FUT8: variants seen among roughly 807,000 people sequenced by gnomAD.
FUT8 encodes alpha-(1,6)-fucosyltransferase.
A neutral mutation model predicts 71.3 loss-of-function variants in FUT8; 29 were observed. That is an observed-to-expected ratio of 0.41 (90% confidence interval 0.30 to 0.55). FUT8 has a LOEUF of 0.55. Ranked by LOEUF, FUT8 falls within the 20% of genes least tolerant of loss-of-function variation. The probability of loss-of-function intolerance (pLI) is 0.34; values close to 1 mark genes in which losing one functional copy is unlikely to be tolerated. For synonymous variants in FUT8, 254 were observed against 239.3 expected (o/e 1.06, Z -0.57); for missense variants, 544 against 702.1 (o/e 0.77, Z 2.55).
At chr14:65,600,119 A>T (rs904961221) in intron 3 of FUT8, among the ~76,000 whole-genome samples, 1 of 152,208 alleles carries the variant, frequency 6.6e-6, no homozygotes, top group East Asian at 1.9e-4. Context: ...TAATGTGTCT[A>T]AATTCCCCAC....
upstream of FUT8, chr14:65,412,388 G>A (rs1434679413): frequency 2.0e-5 from 9 of 453,912 alleles, no homozygotes; most frequent in South Asian, 1.2e-4. Flanking sequence ...CATTCCCGGC[G>A]CTGTAGGGAG....
Position 65,669,506 on chromosome 14 carries a change from A to G in FUT8, c.835+26A>G, listed in dbSNP as rs1326805929. The G allele has an allele frequency of 1.3e-6, 2 of 1,499,276 alleles. No homozygotes were observed. The highest frequency in any genetic ancestry group is 1.4e-5 in the African/African-American group (1 of 72,746). The allele number at this position is 1,499,276 out of a possible 1,614,324, so 92.9% of individuals were successfully genotyped here. A position where few individuals can be genotyped will look rare whatever the true frequency, so the allele number is the denominator to read the frequency against. On this transcript the variant is annotated intron_variant, in intron 7 of 10. Coordinates refer to ENST00000673929, the MANE Select transcript of FUT8 (RefSeq NM_001371533.1). This position sits in a 1 kb window ranked among gnomAD's most constrained non-coding sequence, Gnocchi z 4.5. ...GTAAGGAGCTTGTGCAGCATATGAG[A>G]TCTCTGGGCTGTTTCACTCAATTAC...
At chr14:65,639,004 T>C (rs1890701441) in intron 6 of FUT8, among the ~76,000 whole-genome samples, 2 of 152,208 alleles carry the variant, frequency 1.3e-5, no homozygotes, top group Admixed American at 1.3e-4. Flanking sequence ...GAAAGAAATT[T>C]TTAGTTTAAG....
In FUT8 at chr14:65,440,044, A is replaced by C. The variant is rs187258675; in HGVS notation, c.-325-15577A>C. On this transcript the variant is annotated intron_variant, in intron 1 of 10. Transcript: ENST00000673929. ...AGCTTTTCAGGAGAAGGAAGTCTTGATATTTATAAGAACATGGAAGAACTT... is the reference window on the plus strand; with the variant it reads ...AGCTTTTCAGGAGAAGGAAGTCTTGCTATTTATAAGAACATGGAAGAACTT... Among the ~76,000 whole-genome samples the C allele has an allele frequency of 6.4e-3, 944 of 147,156 alleles. 3 individuals are homozygous for C. Among genetic ancestry groups the C allele is most frequent in the Non-Finnish European group, 0.011 (741 of 66,868 alleles).
In FUT8 at chr14:65,525,982, T is replaced by C. The variant is rs148058517; in HGVS notation, c.-227-35355T>C. On this transcript the variant is annotated intron_variant, in intron 2 of 10. Transcript: ENST00000673929. ...TTCCTGAGGTGTGCTTTACTTCCAA[T>C]TATGTGGTCAATTTTGGAATAAGTG... is the stretch of plus-strand genomic sequence containing the variant. Among the ~76,000 whole-genome samples, 1,104 of 152,260 alleles carry C rather than the reference T, an allele frequency of 7.3e-3. 15 individuals carry two copies. Among genetic ancestry groups the C allele is most frequent in the African/African-American group, 0.025 (1,035 of 41,572 alleles).
chr14:65,357,090 G>A, the FUT8 span, among the ~76,000 whole-genome samples: 1 of 152,230 alleles, frequency 6.6e-6, no homozygotes, highest in Non-Finnish European at 1.5e-5. Flanking sequence ...CTTACTAGGT[G>A]TGTGACCTTG....
At position 65,676,222 on chromosome 14, in the gene FUT8, G is replaced by A. The variant is rs540817710; in HGVS notation, c.835+6742G>A. On this transcript the variant is annotated intron_variant, in intron 7 of 10. Transcript: ENST00000673929. ...AGAATGAGTTCAGAGATAAAAGGAC[G>A]TGTGACTTAGGAAAAAGCAATACGT... is the stretch of plus-strand genomic sequence containing the variant. 5.9e-5 allele frequency among the ~76,000 whole-genome samples: 9 copies of A among 152,284 alleles called. No homozygotes were observed. The South Asian group carries it at 8.3e-4, about 14-fold the overall frequency.
the FUT8 span, among the ~76,000 whole-genome samples, chr14:65,365,176 T>G: frequency 6.6e-6 from 1 of 152,208 alleles, no homozygotes. Flanking sequence ...CTTTTAGATA[T>G]ATTAGGCAGC....
chr14:65,534,918 A>C (rs1006171000), intron 2 of FUT8, among the ~76,000 whole-genome samples: 1 of 150,864 alleles, frequency 6.6e-6, no homozygotes, highest in Non-Finnish European at 1.5e-5. Flanking sequence ...TGTGTGTTTC[A>C]GTCTCCTTCA....
intron 2 of FUT8, among the ~76,000 whole-genome samples, chr14:65,479,122 A>G (rs1449865044): frequency 2.0e-5 from 3 of 152,222 alleles, no homozygotes; most frequent in African/African-American, 4.8e-5. Context: ...CAATACATAC[A>G]TTCATTCCCT....
chr14:65,446,201 A>G (rs2065738846), intron 1 of FUT8, among the ~76,000 whole-genome samples: 1 of 152,138 alleles, frequency 6.6e-6, no homozygotes, highest in Non-Finnish European at 1.5e-5. Flanking sequence ...TAGCTATTGA[A>G]CCCTGGGCTG....
At chr14:65,507,962 TTGA>T (rs1392340694) in intron 2 of FUT8, among the ~76,000 whole-genome samples, 1 of 152,184 alleles carries the variant, frequency 6.6e-6, no homozygotes, top group African/African-American at 2.4e-5. Context: ...TTTGCCAGCA[TTGA>T]TTATTGCTTG....
intron 2 of FUT8, among the ~76,000 whole-genome samples, chr14:65,541,933 G>T (rs905531972): frequency 6.6e-6 from 1 of 152,072 alleles, no homozygotes; most frequent in African/African-American, 2.4e-5. Context: ...CTTAAAGCCA[G>T]CATGTTCTTA....
At chr14:65,525,214 G>A (rs141283777) in intron 2 of FUT8, among the ~76,000 whole-genome samples, 1,829 of 152,092 alleles carry the variant, frequency 0.012, 16 homozygotes, top group Middle Eastern at 0.024. Context: ...TGGTTGGTAG[G>A]CTATTAATCA....
At chr14:65,625,456 C>G (rs979667428) in intron 5 of FUT8, among the ~76,000 whole-genome samples, 2 of 152,274 alleles carry the variant, frequency 1.3e-5, no homozygotes, top group Admixed American at 1.3e-4. Flanking sequence ...TTTGCCTAGT[C>G]TAAAGACTTC....
At chr14:65,511,731 T>C (rs1882359545) in intron 2 of FUT8, among the ~76,000 whole-genome samples, 3 of 152,252 alleles carry the variant, frequency 2.0e-5, no homozygotes, top group Admixed American at 2.0e-4. Context: ...TGTTTTGGTT[T>C]CCATTGGCAT....
intron 1 of FUT8, among the ~76,000 whole-genome samples, chr14:65,437,073 T>A (rs972451369): frequency 6.2e-4 from 95 of 152,320 alleles, no homozygotes; most frequent in African/African-American, 2.1e-3. Flanking sequence ...TTGAGTTCAT[T>A]CTTTATCAGC....
intron 10 of FUT8, among the ~76,000 whole-genome samples, chr14:65,741,263 C>G (rs1471465157): frequency 6.6e-6 from 1 of 151,866 alleles, no homozygotes; most frequent in African/African-American, 2.4e-5. Flanking sequence ...CAGGGTGATG[C>G]ATTTCCTCAA....
At chr14:65,377,311 T>C in the FUT8 span, among the ~76,000 whole-genome samples, 2 of 152,142 alleles carry the variant, frequency 1.3e-5, no homozygotes, top group South Asian at 4.1e-4. Flanking sequence ...GTAGGAAAAG[T>C]CCATATTCTG....
Sources: gnomAD v4.1 joint callset for allele counts (sites outside exome capture counted in the v4.1 genomes callset) on GRCh38, gnomAD v4.1.1 for gene constraint, Gnocchi (gnomAD v3.1) non-coding constraint, MANE v1.5 for transcripts, NCBI Gene and HGNC (gene_info 2026-07-23, HGNC 2026-07-21) for gene names.